Variants in WWOX observed in about 807,000 individuals in gnomAD.
WWOX encodes WW domain-containing oxidoreductase.
In WWOX, 69 loss-of-function variants were observed where a neutral mutation model predicts 46.2. The ratio of observed to expected loss-of-function variants is 1.49; its 90% confidence interval spans 1.23 to 1.82. The LOEUF is 1.82. Among genes scored for constraint, WWOX ranks in the 40% most tolerant of loss-of-function variants. WWOX has a pLI of 0.00. For missense variants in WWOX, 919 were observed against 542.6 expected (o/e 1.69, Z -6.89); for synonymous variants, 359 against 202.6 (o/e 1.77, Z -6.56).
intron 5 of WWOX, among the ~76,000 whole-genome samples, chr16:78,375,825 G>T (rs8050639): frequency 6.6e-6 from 1 of 151,118 alleles, no homozygotes; most frequent in South Asian, 2.1e-4. Flanking sequence ...TAATATTACC[G>T]GAGAAACAAT....
intron 8 of WWOX, among the ~76,000 whole-genome samples, chr16:78,453,370 T>C: frequency 6.7e-6 from 1 of 148,372 alleles, no homozygotes; most frequent in African/African-American, 2.5e-5. Context: ...TGGCAGTGAG[T>C]GGAGATCACG....
At chr16:78,770,743 C>T (rs993864074) in intron 8 of WWOX, among the ~76,000 whole-genome samples, 15 of 151,872 alleles carry the variant, frequency 9.9e-5, no homozygotes, top group African/African-American at 3.4e-4. Context: ...GCCAGTGTCC[C>T]TGCAGCGCCC....
intron 8 of WWOX, chr16:78,896,112 G>A (rs1272605810): frequency 4.6e-5 from 7 of 151,484 alleles, no homozygotes; most frequent in Admixed American, 1.3e-4. Context: ...TTAAAAATAA[G>A]ATAGAAATAG....
At chr16:78,334,680 G>C (rs1028854873) in intron 5 of WWOX, among the ~76,000 whole-genome samples, 14 of 151,868 alleles carry the variant, frequency 9.2e-5, no homozygotes, top group Non-Finnish European at 1.8e-4. Context: ...AGTTTCCACA[G>C]AGAAAAAGCC....
intron 8 of WWOX, among the ~76,000 whole-genome samples, chr16:79,201,101 C>T (rs13334154): frequency 2.8e-3 from 430 of 152,276 alleles, no homozygotes; most frequent in Middle Eastern, 0.01. Flanking sequence ...GACTGAGGCT[C>T]AGTGGCTTGT....
chr16:78,670,849 T>TA (rs1276122120), intron 8 of WWOX, among the ~76,000 whole-genome samples: 2 of 151,384 alleles, frequency 1.3e-5, no homozygotes, highest in Non-Finnish European at 2.9e-5. Flanking sequence ...GAAATAAAGA[T>TA]AGAGATGTGA....
intron 8 of WWOX, among the ~76,000 whole-genome samples, chr16:79,188,986 C>T (rs747304349): frequency 4.6e-5 from 7 of 152,034 alleles, no homozygotes; most frequent in Non-Finnish European, 1.0e-4. Context: ...TATATTGTGA[C>T]ACATAGTGGA....
chr16:78,528,452 G>T (rs1265930161), intron 8 of WWOX, among the ~76,000 whole-genome samples: 1 of 151,956 alleles, frequency 6.6e-6, no homozygotes, highest in Non-Finnish European at 1.5e-5. Flanking sequence ...TAATTAGGGT[G>T]TTTTGTTGCC....
rs1279993819 is a variant in WWOX at position 78,347,782 on chromosome 16, A to G, written c.517-39078A>G. On this transcript the variant is annotated intron_variant, in intron 5 of 8. Coordinates refer to ENST00000566780, the MANE Select transcript of WWOX (RefSeq NM_016373.4). ...TGGCAATTTCTGATTATAATTTTAGAAATATTTCTAACCTCTGGCCTTTTT... is the reference window on the plus strand; with the variant it reads ...TGGCAATTTCTGATTATAATTTTAGGAATATTTCTAACCTCTGGCCTTTTT... Among the ~76,000 whole-genome samples, 3 of 122,166 alleles carry G rather than the reference A, an allele frequency of 2.5e-5. 1 individual carries two copies. 80.1% of individuals were successfully genotyped at this position (122,166 alleles called of 152,430 possible). A position where few individuals can be genotyped will look rare whatever the true frequency, so the allele number is the denominator to read the frequency against.
chr16:78,746,143 C>T (rs990484866), intron 8 of WWOX, among the ~76,000 whole-genome samples: 1 of 152,106 alleles, frequency 6.6e-6, no homozygotes, highest in Non-Finnish European at 1.5e-5. Context: ...ATATGATGAA[C>T]CATGGGTGGT....
At chr16:78,799,810 C>G (rs1337378934) in intron 8 of WWOX, among the ~76,000 whole-genome samples, 7 of 152,178 alleles carry the variant, frequency 4.6e-5, no homozygotes, top group African/African-American at 1.4e-4. Flanking sequence ...GCTGTGTTGA[C>G]AGAAGCTGCC....
intron 8 of WWOX, among the ~76,000 whole-genome samples, chr16:78,661,360 G>A (rs930644274): frequency 3.9e-5 from 6 of 152,032 alleles, no homozygotes; most frequent in Non-Finnish European, 7.4e-5. Context: ...CTTCTGAAGC[G>A]ACCACTTCAT....
intron 8 of WWOX, among the ~76,000 whole-genome samples, chr16:78,625,488 A>G (rs544999479): frequency 6.6e-6 from 1 of 152,248 alleles, no homozygotes; most frequent in East Asian, 1.9e-4. Flanking sequence ...TCGTTAGAAC[A>G]TCTTTAGATT....
At chr16:78,966,483 A>G (rs55712607) in intron 8 of WWOX, among the ~76,000 whole-genome samples, 9,666 of 152,228 alleles carry the variant, frequency 0.063, 418 homozygotes, top group Non-Finnish European at 0.096. Flanking sequence ...TAAGATGGCT[A>G]TAAATTCCAC....
chr16:78,405,829 G>C (rs1365262112), intron 6 of WWOX, among the ~76,000 whole-genome samples: 1 of 152,138 alleles, frequency 6.6e-6, no homozygotes, highest in African/African-American at 2.4e-5. Flanking sequence ...GCTCAGAGGG[G>C]TTTATTCACT....
chr16:79,042,274 C>T (rs903006123), intron 8 of WWOX, among the ~76,000 whole-genome samples: 1 of 152,184 alleles, frequency 6.6e-6, no homozygotes, highest in Admixed American at 6.5e-5. Context: ...TCCTCACTGT[C>T]TTTTGCATTA....
chr16:78,876,944 T>C (rs1106616), intron 8 of WWOX, among the ~76,000 whole-genome samples: 40,313 of 152,020 alleles, frequency 0.27, 5,499 homozygotes, highest in Middle Eastern at 0.42. Context: ...AGGCATAAAG[T>C]AGGAAAATGT....
chr16:78,842,472 C>A (rs567419279), intron 8 of WWOX, among the ~76,000 whole-genome samples: 111 of 151,340 alleles, frequency 7.3e-4, no homozygotes, highest in African/African-American at 2.5e-3. Flanking sequence ...TACTTTACTT[C>A]AACCTGGGTG....
chr16:78,809,820 T>C (rs554811703), intron 8 of WWOX, among the ~76,000 whole-genome samples: 30 of 152,292 alleles, frequency 2.0e-4, no homozygotes, highest in African/African-American at 6.7e-4. Flanking sequence ...CTAAAAGCTC[T>C]TGGGTCACTG....
Sources: allele counts gnomAD v4.1 joint callset (sites outside exome capture counted in the v4.1 genomes callset), GRCh38; gene constraint gnomAD v4.1.1; transcripts MANE v1.5; gene names NCBI Gene and HGNC (gene_info 2026-07-23, HGNC 2026-07-21).